The following VIT variants were observed in gnomAD, a reference collection of about 807,000 sequenced individuals.
The protein encoded by VIT is vitrin.
A neutral mutation model predicts 78.0 loss-of-function variants in VIT; 99 were observed. That is an observed-to-expected ratio of 1.27 (90% CI 1.08 to 1.50). The LOEUF is 1.50. VIT is among the 40% of genes most tolerant of loss of function. VIT has a pLI of 0.00. For missense variants in VIT, 1,126 were observed against 875.3 expected (o/e 1.29, Z -3.61); for synonymous variants, 374 against 334.3 (o/e 1.12, Z -1.29).
chr2:36,789,173 T>C (rs561813013), intron 12 of VIT, among the ~76,000 whole-genome samples: 5 of 151,940 alleles, frequency 3.3e-5, no homozygotes, highest in African/African-American at 1.2e-4. Flanking sequence ...CAGGGTGGAG[T>C]GGAAAGCGCA....
chr2:36,814,506 A>T lies in VIT; in HGVS notation c.*145A>T. The stretch of plus-strand genomic sequence containing the variant: ...TGTCTTGTTATTATTCTTTGCCATC[A>T]TGCTTTTTCATATTCCAAAACTTGG... On this transcript the variant is annotated 3_prime_UTR_variant, in exon 16 of 16. Transcript: ENST00000379242. 9.6e-7 allele frequency: 1 copy of T among 1,039,522 alleles called. No individual in the cohort carries two copies. Among genetic ancestry groups the T allele is most frequent in the Non-Finnish European group, 1.3e-6 (1 of 747,258 alleles). 64.4% of individuals were successfully genotyped at this position (1,039,522 alleles called of 1,614,324 possible).
rs115362752 is a variant in VIT, at chr2:36,742,244, T to C, written c.119-856T>C. The stretch of plus-strand genomic sequence containing the variant: ...CCTACCCCTTCTGGGATACAGTCAA[T>C]AGAGCATCTACTCCACCTCATCCCC... On this transcript the variant is annotated intron_variant, in intron 3 of 15. Coordinates refer to ENST00000379242, the MANE Select transcript of VIT (RefSeq NM_053276.4). Among the ~76,000 whole-genome samples the C allele has an allele frequency of 3.9e-3, 590 of 152,278 alleles. 1 individual carries two copies. The highest frequency in any genetic ancestry group is 0.013 in the African/African-American group (558 of 41,564).
At chr2:36,706,296 T>C (rs1345895576) in intron 1 of VIT, among the ~76,000 whole-genome samples, 1 of 152,190 alleles carries the variant, frequency 6.6e-6, no homozygotes, top group African/African-American at 2.4e-5. Flanking sequence ...CTACTGATCA[T>C]TTCAGGGGAA....
At chr2:36,788,985 C>T (rs754213197) in intron 12 of VIT, among the ~76,000 whole-genome samples, 26 of 152,130 alleles carry the variant, frequency 1.7e-4, no homozygotes, top group African/African-American at 5.8e-4. Flanking sequence ...CCAATGTGAT[C>T]GCCATTCACA....
chr2:36,761,682 G>A (rs1280755828), intron 6 of VIT, among the ~76,000 whole-genome samples: 1 of 152,106 alleles, frequency 6.6e-6, no homozygotes, highest in Non-Finnish European at 1.5e-5. Flanking sequence ...GGAGGTTGCA[G>A]TGAGCCAAGA....
At chr2:36,731,056 G>A (rs1334344251) in intron 3 of VIT, among the ~76,000 whole-genome samples, 1 of 152,128 alleles carries the variant, frequency 6.6e-6, no homozygotes, top group African/African-American at 2.4e-5. Context: ...TCCAGTCTGA[G>A]GATTTAACTT....
rs1185583507 is a variant in VIT at position 36,808,995 on chromosome 2, G to A, written c.1903+10G>A. On this transcript the variant is annotated intron_variant, in intron 15 of 15. Transcript: ENST00000379242. ...GCTGCCCATCTGAAGGGTAAGCTGG[G>A]CTTGCCAAGCAGCCTGGTGCTGAGG... The A allele has an allele frequency of 5.8e-6, 9 of 1,564,506 alleles. No individual in the cohort carries two copies. The African/African-American group carries it at 1.1e-4, about 19-fold the overall frequency.
intron 2 of VIT, among the ~76,000 whole-genome samples, chr2:36,725,930 G>C (rs998761608): frequency 6.6e-6 from 1 of 152,064 alleles, no homozygotes; most frequent in East Asian, 1.9e-4. Flanking sequence ...AATTAGCCAG[G>C]CATGTTGGTG....
chr2:36,801,570 G>T (rs776141765), intron 13 of VIT, among the ~76,000 whole-genome samples, 166 bp downstream of exon 13: 2 of 152,160 alleles, frequency 1.3e-5, no homozygotes, highest in Non-Finnish European at 2.9e-5. Context: ...CACTTTGGGA[G>T]GCTGAAGCTA....
intron 1 of VIT, among the ~76,000 whole-genome samples, chr2:36,706,791 T>G (rs377763207): frequency 6.6e-6 from 1 of 152,186 alleles, no homozygotes; most frequent in Non-Finnish European, 1.5e-5. Flanking sequence ...CTTTGAAAAG[T>G]GAAAAGTACT....
chr2:36,746,354 T>C (rs549257933), intron 4 of VIT, among the ~76,000 whole-genome samples: 1 of 152,284 alleles, frequency 6.6e-6, no homozygotes, highest in South Asian at 2.1e-4. Flanking sequence ...TCCTCCTTGA[T>C]ATTTTGGAAT....
intron 2 of VIT, among the ~76,000 whole-genome samples, chr2:36,723,951 G>A (rs11124534): frequency 0.049 from 4,495 of 92,368 alleles, 277 homozygotes; most frequent in East Asian, 0.36. Context: ...AGAAAAGAAA[G>A]AAAAGAAAAG....
chr2:36,753,533 C>T (rs1396304949), intron 4 of VIT, among the ~76,000 whole-genome samples: 2 of 152,056 alleles, frequency 1.3e-5, no homozygotes, highest in African/African-American at 4.8e-5. Context: ...GGAACAAAAT[C>T]AGAGTTTAAG....
At chr2:36,750,106 G>A (rs534296149) in intron 4 of VIT, among the ~76,000 whole-genome samples, 1 of 152,308 alleles carries the variant, frequency 6.6e-6, no homozygotes, top group African/African-American at 2.4e-5. Context: ...ACGAAAAGCT[G>A]TTCCATAACT....
intron 4 of VIT, among the ~76,000 whole-genome samples, chr2:36,751,617 A>G (rs1668468738): frequency 6.6e-6 from 1 of 152,166 alleles, no homozygotes; most frequent in African/African-American, 2.4e-5. Flanking sequence ...AGAAAATAAG[A>G]AGGGCATTGA....
rs367613220 is a variant in VIT, at chr2:36,762,416, A to G, written c.487+3370A>G. Among the ~76,000 whole-genome samples, 6 of 152,216 alleles carry G rather than the reference A, an allele frequency of 3.9e-5. No homozygotes were observed. In the East Asian group the frequency reaches 7.7e-4, roughly 20 times the overall value. On this transcript the variant is annotated intron_variant, in intron 6 of 15. Coordinates refer to ENST00000379242, the MANE Select transcript of VIT (RefSeq NM_053276.4). ...CTCCTTCATTTTATTCATTCATTCA[A>G]TGTTTACATTGAGTGAGCATCTCCT...
At chr2:36,780,500 G>A (rs570873192) in intron 9 of VIT, among the ~76,000 whole-genome samples, 1 of 152,264 alleles carries the variant, frequency 6.6e-6, no homozygotes, top group East Asian at 1.9e-4. Context: ...TCTTGAATGC[G>A]GAGACTATCT....
At chr2:36,716,476 C>A in intron 2 of VIT, 54 bp downstream of exon 2, 1 of 1,559,610 alleles carries the variant, frequency 6.4e-7, no homozygotes, top group Non-Finnish European at 8.8e-7. Flanking sequence ...TCCTAAGATC[C>A]AAAGAATCTA....
At chr2:36,812,562 T>G (rs1338842400) in intron 15 of VIT, among the ~76,000 whole-genome samples, 1 of 152,074 alleles carries the variant, frequency 6.6e-6, no homozygotes, top group East Asian at 1.9e-4. Flanking sequence ...CTGGGTCATC[T>G]TCTCCCCACT....
Sources: gnomAD v4.1 joint callset for allele counts (sites outside exome capture counted in the v4.1 genomes callset) on GRCh38, gnomAD v4.1.1 for gene constraint, MANE v1.5 for transcripts, NCBI Gene and HGNC (gene_info 2026-07-23, HGNC 2026-07-21) for gene names.